ASAP1: variants seen among roughly 807,000 people sequenced by gnomAD.
ASAP1 encodes ArfGAP with SH3 domain, ankyrin repeat and PH domain 1, also known as arf-GAP with SH3 domain, ANK repeat and PH domain-containing protein 1.
In ASAP1, 43 loss-of-function variants were observed where a neutral mutation model predicts 145.2. The observed-to-expected ratio is 0.30, with a 90% CI of 0.23 to 0.38. ASAP1 has a LOEUF of 0.38. Ranked by LOEUF, ASAP1 falls within the 10% of genes least tolerant of loss-of-function variation. The pLI is 1.00. For synonymous variants in ASAP1, 546 were observed against 515.5 expected (o/e 1.06, Z -0.80); for missense variants, 1,018 against 1,355.3 (o/e 0.75, Z 3.91).
chr8:130,231,689 A>C (rs1030202561), intron 4 of ASAP1, among the ~76,000 whole-genome samples: 9 of 152,234 alleles, frequency 5.9e-5, no homozygotes, highest in Non-Finnish European at 1.5e-5. Flanking sequence ...ATCTGCTCAA[A>C]AAGATTAACA....
chr8:130,054,895 C>T, intron 29 of ASAP1, 90 bp from the exon 30 acceptor site: 2 of 1,011,560 alleles, frequency 2.0e-6, no homozygotes, highest in Non-Finnish European at 3.1e-6. Context: ...CCTAGTCTGC[C>T]CACAGACCTG....
chr8:130,234,119 G>A (rs1818070820), intron 4 of ASAP1, among the ~76,000 whole-genome samples: 1 of 152,112 alleles, frequency 6.6e-6, no homozygotes, highest in East Asian at 1.9e-4. Flanking sequence ...AAGAGAGATG[G>A]TTAGTAATTG....
rs200047056 is a variant in ASAP1 at position 130,358,149 on chromosome 8, G to A, written c.60-6C>T. On this transcript the variant is annotated splice_polypyrimidine_tract_variant and splice_region_variant and intron_variant, in intron 2 of 29. Coordinates refer to ENST00000518721, the MANE Select transcript of ASAP1 (RefSeq NM_018482.4). This position sits in a 1 kb window ranked among gnomAD's most constrained non-coding sequence, Gnocchi z 4.1. ...CAGAGATCTGGTCCGGCATCCTGCC[G>A]GGAGGGACGAGACACAAGCGGGGGC... The A allele has an allele frequency of 9.4e-6, 15 of 1,600,800 alleles. No individual in the cohort carries two copies. The East Asian group carries it at 2.7e-4, about 29-fold the overall frequency.
intron 7 of ASAP1, among the ~76,000 whole-genome samples, chr8:130,183,469 T>C (rs918016380): frequency 2.6e-5 from 4 of 152,000 alleles, no homozygotes; most frequent in African/African-American, 9.7e-5. Flanking sequence ...GCCTCCTGAG[T>C]AGCTGGGACT....
At chr8:130,370,870 G>A (rs900726871) in intron 2 of ASAP1, among the ~76,000 whole-genome samples, 4 of 152,214 alleles carry the variant, frequency 2.6e-5, no homozygotes, top group Non-Finnish European at 5.9e-5. Flanking sequence ...AAGCAGATTA[G>A]TGGTTATCAG....
chr8:130,188,204 T>C (rs766289771), intron 5 of ASAP1, 21 bp from the exon 6 acceptor site: 4 of 1,586,638 alleles, frequency 2.5e-6, no homozygotes, highest in Non-Finnish European at 3.5e-6. Context: ...AAAGGGAAGA[T>C]GGGAGATGGT....
intron 4 of ASAP1, among the ~76,000 whole-genome samples, chr8:130,227,213 G>A (rs1817633887): frequency 6.6e-6 from 1 of 152,066 alleles, no homozygotes; most frequent in Non-Finnish European, 1.5e-5. Flanking sequence ...GGTAGCCTAC[G>A]ATAGGACTCA....
At position 130,118,427 on chromosome 8, in the gene ASAP1, A is replaced by C. The variant is rs111566674; in HGVS notation, c.1794+62T>G. 16 of 1,513,614 alleles carry C rather than the reference A, an allele frequency of 1.1e-5. No homozygotes were observed. The Admixed American group carries it at 2.9e-4, about 28-fold the overall frequency. The allele number at this position is 1,513,614 out of a possible 1,614,324, so 93.8% of individuals were successfully genotyped here. A position where few individuals can be genotyped will look rare whatever the true frequency, so the allele number is the denominator to read the frequency against. On this transcript the variant is annotated intron_variant, in intron 19 of 29. Transcript: ENST00000518721. ...CATTATATGGTATAATGTTAAAATAAGTCACCTTTTAAACTGATTTTCCAC... is the reference window on the plus strand; with the variant it reads ...CATTATATGGTATAATGTTAAAATACGTCACCTTTTAAACTGATTTTCCAC...
rs544487824 is a variant in ASAP1 at position 130,197,794 on chromosome 8, C to T, written c.406-9611G>A. Among the ~76,000 whole-genome samples the T allele has an allele frequency of 1.9e-4, 29 of 152,298 alleles. No homozygotes were observed. In the South Asian group the frequency reaches 3.3e-3, roughly 17 times the overall value. ...TGTCTATGAGAAACGTCCAAGTCCCCGGCCCGAACTGTGGAACACAGGCCA... is the reference window on the plus strand; with the variant it reads ...TGTCTATGAGAAACGTCCAAGTCCCTGGCCCGAACTGTGGAACACAGGCCA... On this transcript the variant is annotated intron_variant, in intron 5 of 29. Coordinates refer to ENST00000518721, the MANE Select transcript of ASAP1 (RefSeq NM_018482.4).
Position 130,072,824 on chromosome 8 carries a change from T to TGTGCGCGCGCGCGC in ASAP1, c.2701+3523_2701+3524insGCGCGCGCGCGCAC. Among the ~76,000 whole-genome samples the TGTGCGCGCGCGCGC allele has an allele frequency of 1.2e-3, 40 of 32,208 alleles. 2 individuals are homozygous for TGTGCGCGCGCGCGC. The highest frequency in any genetic ancestry group is 6.8e-3 in the South Asian group (4 of 588). 21.1% of individuals were successfully genotyped at this position (32,208 alleles called of 152,430 possible). A position where few individuals can be genotyped will look rare whatever the true frequency, so the allele number is the denominator to read the frequency against. On this transcript the variant is annotated intron_variant, in intron 27 of 29. Transcript: ENST00000518721. ...GTGTGTGTGTGTGTGTGTGTGTGTG[T>TGTGCGCGCGCGCGC]GCGCGCGGGGGGGGGCAGTTTTGGG...
chr8:130,076,577 A>G (rs1273083131), intron 26 of ASAP1, among the ~76,000 whole-genome samples, 171 bp from the exon 27 acceptor site: 1 of 152,100 alleles, frequency 6.6e-6, no homozygotes, highest in Non-Finnish European at 1.5e-5. Context: ...GCTGGAGTGT[A>G]GTGGCGCGAT....
intron 23 of ASAP1, 177 bp downstream of exon 23, chr8:130,115,451 G>C: frequency 1.8e-6 from 1 of 571,070 alleles, no homozygotes; most frequent in Non-Finnish European, 3.1e-6. Context: ...TGTTTCTCTG[G>C]ACAACCTTAA....
At chr8:130,065,309 G>C (rs531681763) in intron 27 of ASAP1, among the ~76,000 whole-genome samples, 1 of 152,130 alleles carries the variant, frequency 6.6e-6, no homozygotes, top group Non-Finnish European at 1.5e-5. Flanking sequence ...TCGCCCTCCC[G>C]GCACGTGAGC....
intron 27 of ASAP1, 122 bp from the exon 28 acceptor site, chr8:130,061,191 G>T: frequency 8.2e-7 from 1 of 1,218,394 alleles, no homozygotes; most frequent in Non-Finnish European, 1.1e-6. Context: ...TGAAATGGAT[G>T]AACTCAGGGG....
At chr8:130,411,783 C>G (rs138799729) in intron 1 of ASAP1, among the ~76,000 whole-genome samples, 319 of 152,320 alleles carry the variant, frequency 2.1e-3, no homozygotes, top group African/African-American at 7.4e-3. Flanking sequence ...GGCTTCCCAG[C>G]AAGGCCAGCA....
chr8:130,145,843 CTT>C (rs34484540), intron 13 of ASAP1, among the ~76,000 whole-genome samples: 28 of 139,042 alleles, frequency 2.0e-4, no homozygotes, highest in Admixed American at 2.2e-4. Flanking sequence ...CAAAGTAAAA[CTT>C]TTTTTTTTTT....
chr8:130,111,305 C>T (rs1014078049), intron 24 of ASAP1, among the ~76,000 whole-genome samples: 1 of 148,542 alleles, frequency 6.7e-6, no homozygotes, highest in Non-Finnish European at 1.5e-5. Context: ...ATCAGGATCA[C>T]TTGAGCCCCG....
intron 5 of ASAP1, among the ~76,000 whole-genome samples, chr8:130,191,486 T>C (rs1175500216): frequency 6.6e-6 from 1 of 152,190 alleles, no homozygotes; most frequent in South Asian, 2.1e-4. Context: ...AGAAGCTTGA[T>C]AGGCAAAGAT....
At chr8:130,250,754 T>C (rs541213354) in intron 3 of ASAP1, among the ~76,000 whole-genome samples, 11 of 152,182 alleles carry the variant, frequency 7.2e-5, no homozygotes, top group Non-Finnish European at 1.3e-4. Flanking sequence ...AAAAAACTGA[T>C]GGAGTTAAAA....
Sources: gnomAD v4.1 joint callset for allele counts (sites outside exome capture counted in the v4.1 genomes callset) on GRCh38, gnomAD v4.1.1 for gene constraint, Gnocchi (gnomAD v3.1) non-coding constraint, MANE v1.5 for transcripts, NCBI Gene and HGNC (gene_info 2026-07-23, HGNC 2026-07-21) for gene names.